The following WDR46 variants were observed in gnomAD, a reference collection of about 807,000 sequenced individuals.
WDR46 encodes WD repeat domain 46, also known as WD repeat-containing protein 46.
A neutral mutation model predicts 74.7 loss-of-function variants in WDR46; 58 were observed. The ratio of observed to expected loss-of-function variants is 0.78; its 90% CI spans 0.63 to 0.97. The LOEUF is 0.97. WDR46 is among the 50% of genes least tolerant of loss of function. WDR46 has a pLI of 0.00. For missense variants in WDR46, 702 were observed against 790.1 expected (o/e 0.89, Z 1.34); for synonymous variants, 278 against 297.3 (o/e 0.93, Z 0.67).
chr6:33,287,150 C>T lies in WDR46; in HGVS notation c.956G>A (p.Arg319Gln), dbSNP rs145596280. Residue 319 changes from arginine (R) to glutamine (Q), a missense_variant, in exon 9 of 15, where the codon CGG (arginine) becomes CAG (glutamine). Physicochemically the swap from Arg to Gln is conservative, Grantham distance 43. Coordinates refer to ENST00000374617, the MANE Select transcript of WDR46 (RefSeq NM_005452.6). ...AGGGTTCTGACTCATAACATCGAGC[C>T]GCCCAGCTCGAGCATTCAGAGCTGC... ...IVAALNARAG[R>Q]LDVMSQNPYN... 5.6e-5 allele frequency: 90 copies of T among 1,613,832 alleles called. No individual in the cohort carries two copies. In the African/African-American group the frequency reaches 9.1e-4, roughly 16 times the overall value.
At position 33,288,214 on chromosome 6, in the gene WDR46, C is replaced by T. The variant is rs764224184; in HGVS notation, c.495G>A (p.Gly165=). ...CCTGGCATATCTTTGCTGTGTCTTC[C>T]CCATCCTCCCCTTCCAGAAACCTGA... is the stretch of plus-strand genomic sequence containing the variant. ...EEPGFLEGED[G]EDTAKICQAD... Residue 165 remains glycine, a synonymous_variant, in exon 5 of 15, where the codon GGG becomes GGA. Transcript: ENST00000374617. 6.2e-6 allele frequency: 10 copies of T among 1,614,094 alleles called. No individual in the cohort carries two copies. Among genetic ancestry groups the T allele is most frequent in the Non-Finnish European group, 7.6e-6 (9 of 1,180,050 alleles).
rs777184888 is a variant in WDR46 at position 33,287,202 on chromosome 6, G to A, written c.904C>T (p.Leu302=). The A allele has an allele frequency of 1.9e-6, 3 of 1,613,764 alleles. No individual in the cohort carries two copies. The highest frequency in any genetic ancestry group is 1.7e-5 in the Admixed American group (1 of 59,942). ...ACAATCTTCCCCACTGACACATCCA[G>A]GTAGGTTAGAAACCCTGTTTCTGAC... ...TASETGFLTY[L]DVSVGKIVAA... The change falls in exon 9 of 15, where the codon CTG becomes TTG. Residue 302 remains leucine (L), a synonymous_variant. Coordinates refer to ENST00000374617, the MANE Select transcript of WDR46 (RefSeq NM_005452.6).
At position 33,287,780 on chromosome 6, in the gene WDR46, A is replaced by AG. The variant is rs576986368; in HGVS notation, c.624-63dup. On this transcript the variant is annotated intron_variant, in intron 6 of 14. Coordinates refer to ENST00000374617, the MANE Select transcript of WDR46 (RefSeq NM_005452.6). ...GGGGACCACCGACTCAGACAACTTGAGGTCTGCCCCACGCCAGCCCCATCT... is the reference window on the plus strand; with the variant it reads ...GGGGACCACCGACTCAGACAACTTGAGGGTCTGCCCCACGCCAGCCCCATCT... 229 of 1,585,526 alleles carry AG rather than the reference A, an allele frequency of 1.4e-4. No homozygotes were observed. The African/African-American group carries it at 2.5e-3, about 17-fold the overall frequency.
chr6:33,279,671 C>T, intron 13 of WDR46, 61 bp from the exon 14 acceptor site: 1 of 1,612,384 alleles, frequency 6.2e-7, no homozygotes, highest in East Asian at 2.2e-5. Flanking sequence ...CTGGCAGCAC[C>T]CACCTGCTGG....
At position 33,286,870 on chromosome 6, in the gene WDR46, G is replaced by A; in HGVS notation, c.1040C>T (p.Ala347Val). Reference sequence around the variant, plus strand: ...AATCTTTGCCAGTGGCTCCTTCATAGCTGGACTCCATAAAGACACAGTACC... The same window carrying A: ...AATCTTTGCCAGTGGCTCCTTCATAACTGGACTCCATAAAGACACAGTACC... ...SNGTVSLWSPAMKEPLAKILC... is the reference protein window; with the variant it reads ...SNGTVSLWSPVMKEPLAKILC... The change falls in exon 10 of 15, where the codon GCT (alanine) becomes GTT (valine). Residue 347 changes from alanine (A) to valine (V), a missense_variant. Ala to Val is a moderately conservative substitution (Grantham distance 64, BLOSUM62 0). Transcript: ENST00000374617. 1 of 1,614,140 alleles carries A rather than the reference G, an allele frequency of 6.2e-7. No individual in the cohort carries two copies. The highest frequency in any genetic ancestry group is 8.5e-7 in the Non-Finnish European group (1 of 1,180,034).
rs1413071219 is a variant in WDR46 at position 33,289,204 on chromosome 6, C to T, written c.-34G>A. Reference sequence around the variant, plus strand: ...CCCGAACGGCGATCCACGTGCAAAACTCCTCTCAGCTGCCACACAGTCGGC... The same window carrying T: ...CCCGAACGGCGATCCACGTGCAAAATTCCTCTCAGCTGCCACACAGTCGGC... On this transcript the variant is annotated 5_prime_UTR_variant, in exon 1 of 15. Transcript: ENST00000374617. The T allele has an allele frequency of 6.3e-7, 1 of 1,596,598 alleles. No homozygotes were observed.
intron 10 of WDR46, 88 bp from the exon 11 acceptor site, chr6:33,281,075 G>A (rs1358504842): frequency 2.2e-6 from 3 of 1,384,480 alleles, no homozygotes; most frequent in Admixed American, 2.4e-5. Flanking sequence ...AGTCTGGCTG[G>A]GGAGAAAAAG....
Position 33,280,901 on chromosome 6 carries a change from G to A in WDR46, c.1202C>T (p.Pro401Leu). ...TYQPLSTRTL[P>L]HGAGHLAFSQ... is the part of the protein sequence containing the mutation. The stretch of plus-strand genomic sequence containing the variant: ...GAAGGCCAGGTGCCCTGCTCCATGG[G>A]GCAGGGTCCGAGTGCTCAGAGGCTG... Residue 401 changes from proline (P) to leucine (L), a missense_variant, in exon 11 of 15, where the codon CCC becomes CTC. By Grantham distance (98) the Pro-to-Leu change is moderately conservative. Coordinates refer to ENST00000374617, the MANE Select transcript of WDR46 (RefSeq NM_005452.6). 2.5e-6 allele frequency: 4 copies of A among 1,614,192 alleles called. No homozygotes were observed. Among genetic ancestry groups the A allele is most frequent in the Non-Finnish European group, 3.4e-6 (4 of 1,180,034 alleles).
In WDR46 at chr6:33,289,087, C is replaced by T. The variant is rs1266754523; in HGVS notation, c.69+15G>A. Reference sequence around the variant, plus strand: ...ACAGCTAAAAACTTCGTTTCCCACCCAGGGAGGCCTCTACCTTTCTCTTGG... The same window carrying T: ...ACAGCTAAAAACTTCGTTTCCCACCTAGGGAGGCCTCTACCTTTCTCTTGG... On this transcript the variant is annotated intron_variant, in intron 1 of 14. Transcript: ENST00000374617. 1 of 1,612,402 alleles carries T rather than the reference C, an allele frequency of 6.2e-7. No individual in the cohort carries two copies. The highest frequency in any genetic ancestry group is 1.1e-5 in the South Asian group (1 of 91,018).
rs9282487 is a variant in WDR46 at position 33,286,779 on chromosome 6, C to CG, written c.1115+15_1115+16insC. On this transcript the variant is annotated intron_variant, in intron 10 of 14. Transcript: ENST00000374617. Reference sequence around the variant, plus strand: ...CCACCTATGACTCCTAACACCTCACCCCACCAGTGACTTACGTGCCTGTAG... The same window carrying CG: ...CCACCTATGACTCCTAACACCTCACCGCCACCAGTGACTTACGTGCCTGTAG... The CG allele has an allele frequency of 0.48, 776,257 of 1,612,476 alleles. 193,287 individuals carry two copies. Among genetic ancestry groups the CG allele is most frequent in the South Asian group, 0.58 (52,583 of 91,004 alleles).
rs1182741804 is a variant in WDR46, at chr6:33,287,351, T to A, written c.879+4A>T. On this transcript the variant is annotated splice_donor_region_variant and intron_variant, in intron 8 of 14. Coordinates refer to ENST00000374617, the MANE Select transcript of WDR46 (RefSeq NM_005452.6). ...ACCAGTTCCTGAGCTCCATGGCCAC[T>A]CACAGCTGTAGCCAGGAGGAAGTGG... 1 of 1,612,614 alleles carries A rather than the reference T, an allele frequency of 6.2e-7. No homozygotes were observed. The highest frequency in any genetic ancestry group is 1.3e-5 in the African/African-American group (1 of 74,546).
intron 10 of WDR46, among the ~76,000 whole-genome samples, chr6:33,281,409 G>C (rs1167196605): frequency 1.3e-5 from 2 of 152,000 alleles, no homozygotes; most frequent in Non-Finnish European, 2.9e-5. Context: ...GGTCAGAAAG[G>C]CTTCATGGGA....
chr6:33,286,320 G>A (rs1309151844), intron 10 of WDR46, among the ~76,000 whole-genome samples: 2 of 151,986 alleles, frequency 1.3e-5, no homozygotes, highest in South Asian at 2.1e-4. Flanking sequence ...TGTAGCAGGC[G>A]CCTGTAGTCC....
Position 33,288,877 on chromosome 6 carries a change from A to G in WDR46, c.206T>C (p.Ile69Thr). 1.2e-6 allele frequency: 2 copies of G among 1,613,956 alleles called. 1 individual carries two copies. The highest frequency in any genetic ancestry group is 2.2e-5 in the South Asian group (2 of 91,064). The change falls in exon 2 of 15, where the codon ATC becomes ACC. Residue 69 changes from isoleucine (I) to threonine (T), a missense_variant. Physicochemically the swap from Ile to Thr is moderately conservative, Grantham distance 89. Transcript: ENST00000374617. Reference protein sequence around the residue: ...KNAYILKKSRISKKPQVPKKP... With the variant: ...KNAYILKKSRTSKKPQVPKKP... Reference sequence around the variant, plus strand: ...CTTCGGGACCTGAGGCTTCTTAGAGATCCGAGACTTCTTTAAGATGTAAGC... The same window carrying G: ...CTTCGGGACCTGAGGCTTCTTAGAGGTCCGAGACTTCTTTAAGATGTAAGC...
rs1173006646 is a variant in WDR46, at chr6:33,288,463, TGTG to T, written c.365_367del (p.Pro122del). 1 of 1,613,968 alleles carries T rather than the reference TGTG, an allele frequency of 6.2e-7. No individual in the cohort carries two copies. The highest frequency in any genetic ancestry group is 8.5e-7 in the Non-Finnish European group (1 of 1,180,034). Reference sequence around the variant, plus strand: ...TCGGCTTCGAGTTTTGGCTTTAGAATGTGGTAGCTGTAACATTGTTGGTGGGGA... The same window carrying T: ...TCGGCTTCGAGTTTTGGCTTTAGAATGTAGCTGTAACATTGTTGGTGGGGA... On this transcript the variant is annotated inframe_deletion, in exon 4 of 15. Transcript: ENST00000374617.
Position 33,287,512 on chromosome 6 carries a change from G to A in WDR46, c.729-7C>T, listed in dbSNP as rs1452419693. 1.9e-6 allele frequency: 3 copies of A among 1,613,380 alleles called. No individual in the cohort carries two copies. Among genetic ancestry groups the A allele is most frequent in the East Asian group, 4.5e-5 (2 of 44,850 alleles). ...TGCCTCAGAATGGAGAAACCTGGGG[G>A]AGAGGAAGAGTGGTTCAATTGGGAA... On this transcript the variant is annotated splice_region_variant and splice_polypyrimidine_tract_variant and intron_variant, in intron 7 of 14. Transcript: ENST00000374617.
chr6:33,288,570 A>G, intron 3 of WDR46, 44 bp downstream of exon 3: 1 of 1,601,570 alleles, frequency 6.2e-7, no homozygotes, highest in South Asian at 1.1e-5. Flanking sequence ...TCACCCAGAC[A>G]CTCCCTGCCT....
intron 10 of WDR46, among the ~76,000 whole-genome samples, chr6:33,282,168 G>C (rs991198849): frequency 2.0e-5 from 3 of 152,216 alleles, no homozygotes; most frequent in Admixed American, 2.0e-4. Flanking sequence ...CAGCCAGGTA[G>C]GGGATGTATG....
At chr6:33,286,966 G>C in intron 9 of WDR46, 72 bp from the exon 10 acceptor site, 2 of 1,595,912 alleles carry the variant, frequency 1.3e-6, no homozygotes, top group Non-Finnish European at 1.7e-6. Context: ...GGAAAGATGG[G>C]AACTCAAGAC....
Sources: allele counts gnomAD v4.1 joint callset (sites outside exome capture counted in the v4.1 genomes callset), GRCh38; gene constraint gnomAD v4.1.1; transcripts MANE v1.5; gene names NCBI Gene and HGNC (gene_info 2026-07-23, HGNC 2026-07-21).